Variants in PCDH15 observed in about 807,000 individuals in gnomAD.
The protein encoded by PCDH15 is protocadherin related 15.
Under a neutral mutation model 178.5 loss-of-function variants are expected in PCDH15, and 129 were observed. The observed-to-expected ratio is 0.72, with a 90% CI of 0.63 to 0.84. The LOEUF (loss-of-function observed/expected upper bound fraction) is 0.84, where lower values mean the gene tolerates loss of function less well. PCDH15 is among the 40% of genes least tolerant of loss of function. PCDH15 has a pLI of 0.00. For synonymous variants in PCDH15, 800 were observed against 732.0 expected (o/e 1.09, Z -1.50); for missense variants, 2,230 against 2,099.9 (o/e 1.06, Z -1.21).
intron 5 of PCDH15, among the ~76,000 whole-genome samples, chr10:54,365,838 G>A (rs367720801): frequency 3.3e-5 from 5 of 152,016 alleles, no homozygotes; most frequent in African/African-American, 7.2e-5. Context: ...GTTATAACCC[G>A]TGTTCAACAT....
intron 2 of PCDH15, among the ~76,000 whole-genome samples, chr10:55,596,506 C>CA (rs1284126117): frequency 3.3e-5 from 5 of 151,932 alleles, no homozygotes. Context: ...TCGTTTTTGG[C>CA]ATATGCAAGG....
At chr10:54,026,929 G>C (rs538377760) in intron 18 of PCDH15, among the ~76,000 whole-genome samples, 86 of 151,132 alleles carry the variant, frequency 5.7e-4, no homozygotes, top group African/African-American at 2.0e-3. Flanking sequence ...AGTGTTGGAA[G>C]TTCTGGCCAG....
At chr10:55,463,939 A>G (rs57517439) in intron 2 of PCDH15, among the ~76,000 whole-genome samples, 1 of 23,724 alleles carries the variant, frequency 4.2e-5, no homozygotes, top group African/African-American at 5.2e-4. Context: ...GAAAGAAAGA[A>G]AGAAAGAAAG....
At chr10:54,488,332 T>C (rs1589672269) in intron 3 of PCDH15, among the ~76,000 whole-genome samples, 1 of 151,848 alleles carries the variant, frequency 6.6e-6, no homozygotes, top group East Asian at 1.9e-4. Context: ...ATTAAAATAT[T>C]GGTTACCAGC....
intron 33 of PCDH15, among the ~76,000 whole-genome samples, chr10:53,819,885 A>C (rs2076194574): frequency 6.6e-6 from 1 of 152,054 alleles, no homozygotes; most frequent in South Asian, 2.1e-4. Flanking sequence ...GACTGGCTTA[A>C]ATATAAAACA....
chr10:54,920,099 C>G (rs917705230), intron 2 of PCDH15, among the ~76,000 whole-genome samples: 1 of 152,074 alleles, frequency 6.6e-6, no homozygotes, highest in Non-Finnish European at 1.5e-5. Flanking sequence ...ATTTACGTAT[C>G]CATACTTTTT....
chr10:54,510,257 T>A (rs1475762891), intron 3 of PCDH15, among the ~76,000 whole-genome samples: 1 of 152,210 alleles, frequency 6.6e-6, no homozygotes, highest in East Asian at 1.9e-4. Flanking sequence ...TTGAGCAGCA[T>A]ATTTGGTTCT....
chr10:54,405,130 G>A (rs1454374674), intron 3 of PCDH15, among the ~76,000 whole-genome samples: 3 of 152,010 alleles, frequency 2.0e-5, no homozygotes, highest in African/African-American at 4.8e-5. Flanking sequence ...AATACCATCC[G>A]ACCCTGCAAT....
intron 1 of PCDH15, among the ~76,000 whole-genome samples, chr10:55,266,739 G>A (rs1294963755): frequency 6.6e-6 from 1 of 152,124 alleles, no homozygotes; most frequent in East Asian, 1.9e-4. Flanking sequence ...ATGCAGGCAG[G>A]TCATCGACCA....
intron 15 of PCDH15, among the ~76,000 whole-genome samples, chr10:54,102,891 A>G (rs767075342): frequency 6.6e-6 from 1 of 152,204 alleles, no homozygotes; most frequent in African/African-American, 2.4e-5. Context: ...AGAGGACCAC[A>G]GTTTTGGGTC....
intron 2 of PCDH15, among the ~76,000 whole-genome samples, chr10:55,600,447 G>C (rs1012237935): frequency 2.0e-5 from 3 of 152,042 alleles, no homozygotes; most frequent in African/African-American, 7.2e-5. Flanking sequence ...ACTAGTGTAA[G>C]TCAGTTATTA....
intron 1 of PCDH15, among the ~76,000 whole-genome samples, chr10:54,766,103 A>G (rs1204399027): frequency 6.6e-6 from 1 of 152,136 alleles, no homozygotes; most frequent in African/African-American, 2.4e-5. Context: ...TAATCATGCA[A>G]TGTATCTGGA....
At chr10:54,120,847 G>A (rs2095206088) in intron 15 of PCDH15, among the ~76,000 whole-genome samples, 1 of 152,066 alleles carries the variant, frequency 6.6e-6, no homozygotes, top group Non-Finnish European at 1.5e-5. Flanking sequence ...CAGTGAGGGA[G>A]ATCAAGACCC....
At chr10:53,812,781 AAG>A (rs1159503543) in intron 35 of PCDH15, among the ~76,000 whole-genome samples, 6 of 152,268 alleles carry the variant, frequency 3.9e-5, no homozygotes, top group South Asian at 2.1e-4. Context: ...GGAATACGAG[AAG>A]AGAGGGGGGA....
intron 3 of PCDH15, among the ~76,000 whole-genome samples, chr10:54,475,071 G>C (rs904839875): frequency 3.3e-5 from 5 of 151,122 alleles, no homozygotes; most frequent in African/African-American, 4.9e-5. Flanking sequence ...CTTTTAATTG[G>C]GCTACTTACA....
chr10:54,611,293 A>G (rs1404524411), intron 2 of PCDH15, among the ~76,000 whole-genome samples: 1 of 151,878 alleles, frequency 6.6e-6, no homozygotes, highest in Admixed American at 6.6e-5. Flanking sequence ...TTTTTTAAAA[A>G]AAACCTCCCT....
At chr10:55,215,237 C>T (rs1239481241) in intron 1 of PCDH15, among the ~76,000 whole-genome samples, 1 of 152,044 alleles carries the variant, frequency 6.6e-6, no homozygotes, top group East Asian at 1.9e-4. Flanking sequence ...AACTTGTTGA[C>T]TTTGAAAATT....
chr10:54,065,296 G>C (rs556229424), intron 18 of PCDH15, among the ~76,000 whole-genome samples: 1 of 152,310 alleles, frequency 6.6e-6, no homozygotes, highest in Admixed American at 6.5e-5. Flanking sequence ...TCTAGAGTTT[G>C]CCCTTGGAGT....
intron 15 of PCDH15, among the ~76,000 whole-genome samples, chr10:54,099,513 A>AAAAAAAAAAAAAAT (rs1347306483): frequency 4.2e-5 from 5 of 117,924 alleles, no homozygotes; most frequent in East Asian, 2.5e-4. Context: ...AAAAAAAAAA[A>AAAAAAAAAAAAAAT]ATATATATAT....
Sources: gnomAD v4.1 joint callset for allele counts (sites outside exome capture counted in the v4.1 genomes callset) on GRCh38, gnomAD v4.1.1 for gene constraint, MANE v1.5 for transcripts, NCBI Gene and HGNC (gene_info 2026-07-23, HGNC 2026-07-21) for gene names.